TEAD1: variants seen among roughly 807,000 people sequenced by gnomAD.
TEAD1 encodes TEA domain transcription factor 1.
Under a neutral mutation model 54.9 loss-of-function variants are expected in TEAD1, and 9 were observed. The observed-to-expected ratio is 0.16, with a 90% CI of 0.10 to 0.29. TEAD1 has a LOEUF of 0.29. TEAD1 is among the 10% of genes least tolerant of loss of function. The pLI is 1.00. For synonymous variants in TEAD1, 200 were observed against 187.8 expected (o/e 1.07, Z -0.53); for missense variants, 387 against 535.9 (o/e 0.72, Z 2.74).
intron 10 of TEAD1, among the ~76,000 whole-genome samples, chr11:12,913,900 T>C (rs1948663077): frequency 6.6e-6 from 1 of 152,216 alleles, no homozygotes; most frequent in Admixed American, 6.5e-5. Flanking sequence ...AAAAAGGTCC[T>C]GTTTCCTGGG....
chr11:12,792,467 G>A (rs1482775009), intron 3 of TEAD1, among the ~76,000 whole-genome samples: 4 of 151,198 alleles, frequency 2.6e-5, no homozygotes, highest in Non-Finnish European at 5.9e-5. Context: ...GTTTGCCTTC[G>A]TTGATATAAG....
intron 2 of TEAD1, among the ~76,000 whole-genome samples, chr11:12,675,967 C>T (rs909419603): frequency 3.3e-5 from 5 of 152,132 alleles, no homozygotes; most frequent in Admixed American, 3.3e-4. Flanking sequence ...TTGTTAACTT[C>T]TTAGAAGCAA....
intron 10 of TEAD1, among the ~76,000 whole-genome samples, chr11:12,912,848 A>G (rs965473199): frequency 6.6e-6 from 1 of 152,086 alleles, no homozygotes; most frequent in Admixed American, 6.5e-5. Flanking sequence ...TCCAACAGCT[A>G]TTCCTAAAAG....
intron 2 of TEAD1, among the ~76,000 whole-genome samples, chr11:12,730,060 T>C (rs1022993032): frequency 6.6e-6 from 1 of 152,196 alleles, no homozygotes; most frequent in Admixed American, 6.5e-5. Context: ...GTTTTATTAG[T>C]ACTTATTAAT....
chr11:12,700,994 ACAGT>A (rs1943689503), intron 2 of TEAD1, among the ~76,000 whole-genome samples: 1 of 152,220 alleles, frequency 6.6e-6, no homozygotes, highest in South Asian at 2.1e-4. Context: ...CTGCTCTAGC[ACAGT>A]CATGCTTTAG....
chr11:12,870,406 G>A (rs1947719672), intron 5 of TEAD1, among the ~76,000 whole-genome samples: 1 of 152,022 alleles, frequency 6.6e-6, no homozygotes, highest in East Asian at 1.9e-4. Context: ...GAGCAGAGAA[G>A]CTGGGAGAGT....
intron 2 of TEAD1, among the ~76,000 whole-genome samples, chr11:12,726,872 A>G (rs921103373): frequency 6.6e-6 from 1 of 152,180 alleles, no homozygotes; most frequent in Non-Finnish European, 1.5e-5. Flanking sequence ...TATATTGATT[A>G]TAAGTTGGAT....
chr11:12,712,487 CTG>C (rs2133853723), intron 2 of TEAD1, among the ~76,000 whole-genome samples: 1 of 152,310 alleles, frequency 6.6e-6, no homozygotes, highest in East Asian at 1.9e-4. Flanking sequence ...TCCCTAAACT[CTG>C]TTGCTGCCCT....
intron 5 of TEAD1, among the ~76,000 whole-genome samples, chr11:12,867,951 T>C (rs962782446): frequency 2.0e-5 from 3 of 152,146 alleles, no homozygotes; most frequent in Non-Finnish European, 4.4e-5. Context: ...CCAGTAACTA[T>C]CCTTGCAGAC....
intron 3 of TEAD1, among the ~76,000 whole-genome samples, chr11:12,801,543 A>G (rs1229138223): frequency 1.3e-5 from 2 of 152,208 alleles, no homozygotes; most frequent in African/African-American, 2.4e-5. Context: ...TGTGAAATAG[A>G]TATTAGTGAC....
intron 3 of TEAD1, among the ~76,000 whole-genome samples, chr11:12,790,419 C>T (rs1196481279): frequency 6.6e-6 from 1 of 152,156 alleles, no homozygotes; most frequent in African/African-American, 2.4e-5. Flanking sequence ...ATCTCCATAT[C>T]CCTTGGACAC....
chr11:12,733,639 G>C (rs1260944186), intron 2 of TEAD1, among the ~76,000 whole-genome samples: 1 of 152,190 alleles, frequency 6.6e-6, no homozygotes, highest in Non-Finnish European at 1.5e-5. Context: ...GGTGGTATCT[G>C]TCACACTTCC....
intron 2 of TEAD1, among the ~76,000 whole-genome samples, chr11:12,725,392 G>T (rs1234255276): frequency 6.6e-6 from 1 of 152,202 alleles, no homozygotes; most frequent in East Asian, 1.9e-4. Context: ...AGAGTCATGT[G>T]AGAGTTTGAC....
At chr11:12,863,122 T>C (rs1947540912) in intron 4 of TEAD1, among the ~76,000 whole-genome samples, 1 of 152,240 alleles carries the variant, frequency 6.6e-6, no homozygotes, top group Non-Finnish European at 1.5e-5. Flanking sequence ...AGCATGAACC[T>C]TAAAAACTGT....
chr11:12,858,206 C>G (rs569235692), intron 3 of TEAD1, among the ~76,000 whole-genome samples: 2 of 152,262 alleles, frequency 1.3e-5, no homozygotes, highest in South Asian at 4.1e-4. Flanking sequence ...ATATACAATC[C>G]CAAACAGCCA....
At chr11:12,891,208 C>T (rs572961984) in intron 9 of TEAD1, among the ~76,000 whole-genome samples, 1 of 152,200 alleles carries the variant, frequency 6.6e-6, no homozygotes, top group Admixed American at 6.6e-5. Context: ...GCCACTGCTA[C>T]TATTCTCTTA....
intron 10 of TEAD1, among the ~76,000 whole-genome samples, chr11:12,917,718 G>A (rs1948740943): frequency 6.6e-6 from 1 of 152,164 alleles, no homozygotes; most frequent in Non-Finnish European, 1.5e-5. Flanking sequence ...AGGTAGGAGA[G>A]AGTTGACCTC....
At chr11:12,757,129 C>G (rs1009286786) in intron 2 of TEAD1, among the ~76,000 whole-genome samples, 10 of 152,196 alleles carry the variant, frequency 6.6e-5, no homozygotes, top group Admixed American at 2.6e-4. Flanking sequence ...CTACTGACTT[C>G]TCTCTCCTCC....
In TEAD1 at chr11:12,764,571, A is replaced by G. The variant is rs187860988; in HGVS notation, c.202+137A>G. 5.6e-5 allele frequency: 58 copies of G among 1,033,668 alleles called. No homozygotes were observed. In the African/African-American group the frequency reaches 8.0e-4, roughly 14 times the overall value. 64.0% of individuals were successfully genotyped at this position (1,033,668 alleles called of 1,614,324 possible). Reference sequence around the variant, plus strand: ...TTTGTAGAATTTTAGTGGGTCATCCAAAGGACTCACCCTAAACTAAAAAGG... The same window carrying G: ...TTTGTAGAATTTTAGTGGGTCATCCGAAGGACTCACCCTAAACTAAAAAGG... On this transcript the variant is annotated intron_variant, in intron 3 of 12. Transcript: ENST00000527636.
Sources: gnomAD v4.1 joint callset for allele counts (sites outside exome capture counted in the v4.1 genomes callset) on GRCh38, gnomAD v4.1.1 for gene constraint, MANE v1.5 for transcripts, NCBI Gene and HGNC (gene_info 2026-07-23, HGNC 2026-07-21) for gene names.